PBX1: variants seen among roughly 807,000 people sequenced by gnomAD.
The protein encoded by PBX1 is pre-B-cell leukemia transcription factor 1.
A neutral mutation model predicts 53.4 loss-of-function variants in PBX1; 6 were observed. The observed-to-expected ratio is 0.11, with a 90% CI of 0.06 to 0.22. PBX1 has a LOEUF of 0.22. Ranked by LOEUF, PBX1 falls within the 10% of genes least tolerant of loss-of-function variation. The probability of loss-of-function intolerance (pLI) is 1.00; values close to 1 mark genes in which losing one functional copy is unlikely to be tolerated. For synonymous variants in PBX1, 204 were observed against 212.3 expected (o/e 0.96, Z 0.34); for missense variants, 251 against 551.4 (o/e 0.46, Z 5.46).
At position 164,795,337 on chromosome 1, in the gene PBX1, C is replaced by G. The variant is rs538349122; in HGVS notation, c.510+2599C>G. On this transcript the variant is annotated intron_variant, in intron 3 of 8. Transcript: ENST00000420696. ...GGATGTCTTTCGACAATGGGGTAAGCAGGTTGTCCTCTCTGTTACTTCCTT... is the reference window on the plus strand; with the variant it reads ...GGATGTCTTTCGACAATGGGGTAAGGAGGTTGTCCTCTCTGTTACTTCCTT... Among the ~76,000 whole-genome samples, 6 of 152,282 alleles carry G rather than the reference C, an allele frequency of 3.9e-5. No individual in the cohort carries two copies. In the East Asian group the frequency reaches 1.2e-3, roughly 29 times the overall value.
At chr1:164,654,923 A>T (rs1660056910) in intron 2 of PBX1, among the ~76,000 whole-genome samples, 1 of 152,176 alleles carries the variant, frequency 6.6e-6, no homozygotes, top group African/African-American at 2.4e-5. Context: ...GATCTGTATT[A>T]TCACAGAGGG....
chr1:164,846,752 C>A lies in PBX1; in HGVS notation c.*76C>A, dbSNP rs3205270. 1.9e-6 allele frequency: 3 copies of A among 1,611,388 alleles called. No individual in the cohort carries two copies. Among genetic ancestry groups the A allele is most frequent in the Admixed American group, 1.7e-5 (1 of 59,932 alleles). On this transcript the variant is annotated 3_prime_UTR_variant, in exon 9 of 9. Coordinates refer to ENST00000420696, the MANE Select transcript of PBX1 (RefSeq NM_002585.4). ...GCAGGAGGGAGGGTTTCTCTCCCAA[C>A]GCTGAAGCGGTCAGACTGGAGGTCG...
rs538627212 is a variant in PBX1, at chr1:164,710,424, T to C, written c.266-82070T>C. Among the ~76,000 whole-genome samples the C allele has an allele frequency of 2.0e-4, 30 of 152,224 alleles. 1 individual carries two copies. In the South Asian group the frequency reaches 6.0e-3, roughly 31 times the overall value. The stretch of plus-strand genomic sequence containing the variant: ...TTTTTTTCTTTTTTTTCCTTTTTGT[T>C]TTTTGAGATGGAGTTTTGTTCTTGT... On this transcript the variant is annotated intron_variant, in intron 2 of 8. Transcript: ENST00000420696.
At chr1:164,638,164 C>T (rs942847608) in intron 2 of PBX1, among the ~76,000 whole-genome samples, 3 of 152,198 alleles carry the variant, frequency 2.0e-5, no homozygotes, top group East Asian at 1.9e-4. Context: ...TGCCAAGCAG[C>T]GGAGAATGGA....
At chr1:164,633,985 G>A (rs895153038) in intron 2 of PBX1, among the ~76,000 whole-genome samples, 1 of 152,188 alleles carries the variant, frequency 6.6e-6, no homozygotes, top group Non-Finnish European at 1.5e-5. Context: ...AATTGAGGAA[G>A]GAGCTCTGTT....
chr1:164,870,211 T>TC (rs60190105), intron 2 of PBX1, among the ~76,000 whole-genome samples: 7 of 69,540 alleles, frequency 1.0e-4, no homozygotes, highest in African/African-American at 1.8e-4. Flanking sequence ...TTTCTTTCTT[T>TC]TCTTTCTTTC....
intron 2 of PBX1, among the ~76,000 whole-genome samples, chr1:164,676,313 T>C (rs962528443): frequency 2.0e-5 from 3 of 151,814 alleles, no homozygotes; most frequent in African/African-American, 7.3e-5. Flanking sequence ...ATTTATGTAG[T>C]AGGCATAGAG....
chr1:164,732,200 T>C (rs1665028257), intron 2 of PBX1, among the ~76,000 whole-genome samples: 1 of 152,160 alleles, frequency 6.6e-6, no homozygotes, highest in Non-Finnish European at 1.5e-5. Flanking sequence ...CCACAGGTAA[T>C]TGGAACAGAA....
At chr1:164,605,787 A>G (rs1656506208) in intron 2 of PBX1, among the ~76,000 whole-genome samples, 1 of 152,242 alleles carries the variant, frequency 6.6e-6, no homozygotes, top group South Asian at 2.1e-4. Context: ...AAAAGGCTTT[A>G]TAAAGTAAAC....
intron 2 of PBX1, among the ~76,000 whole-genome samples, chr1:164,602,699 C>G (rs1218779957): frequency 6.9e-6 from 1 of 144,058 alleles, no homozygotes; most frequent in Non-Finnish European, 1.5e-5. Context: ...CTCAAAGTCC[C>G]AAACAGATTG....
At chr1:164,613,779 C>T (rs532353661) in intron 2 of PBX1, among the ~76,000 whole-genome samples, 26 of 152,104 alleles carry the variant, frequency 1.7e-4, no homozygotes, top group Non-Finnish European at 3.5e-4. Context: ...ACGAAGAAAT[C>T]TGACTCCACC....
intron 2 of PBX1, among the ~76,000 whole-genome samples, chr1:164,676,423 G>A (rs765694472): frequency 6.2e-4 from 95 of 152,160 alleles, no homozygotes; most frequent in Non-Finnish European, 3.2e-4. Context: ...GGGCCAAAGC[G>A]TCAAACCAAG....
intron 4 of PBX1, among the ~76,000 whole-genome samples, chr1:164,804,540 G>A (rs568098099): frequency 3.5e-4 from 54 of 152,344 alleles, no homozygotes; most frequent in African/African-American, 1.2e-3. Context: ...AATGACTAAT[G>A]TATTGGACAG....
At chr1:164,663,142 C>CTGCCTGCCTTCT (rs1422238412) in intron 2 of PBX1, among the ~76,000 whole-genome samples, 1 of 152,052 alleles carries the variant, frequency 6.6e-6, no homozygotes, top group African/African-American at 2.4e-5. Context: ...GCCTACCTTT[C>CTGCCTGCCTTCT]TGCCTGCCTT....
At chr1:164,746,396 A>C (rs1389930163) in intron 2 of PBX1, among the ~76,000 whole-genome samples, 1 of 152,140 alleles carries the variant, frequency 6.6e-6, no homozygotes, top group African/African-American at 2.4e-5. Flanking sequence ...TTCTTCTTCA[A>C]GATGGAGTCT....
intron 2 of PBX1, among the ~76,000 whole-genome samples, chr1:164,772,154 C>T (rs543625497): frequency 6.0e-4 from 91 of 152,320 alleles, no homozygotes; most frequent in African/African-American, 2.1e-3. Context: ...AGAAAGATTC[C>T]TGTAGCAACA....
chr1:164,747,999 G>A (rs368471224), intron 2 of PBX1, among the ~76,000 whole-genome samples: 123 of 152,206 alleles, frequency 8.1e-4, no homozygotes, highest in African/African-American at 2.8e-3. Flanking sequence ...ATGAAAAGAG[G>A]TGTACCCACT....
At chr1:164,883,873 T>C (rs909294524) in intron 2 of PBX1, among the ~76,000 whole-genome samples, 1 of 152,192 alleles carries the variant, frequency 6.6e-6, no homozygotes, top group Non-Finnish European at 1.5e-5. Flanking sequence ...GGGTTCTATG[T>C]ACAATTTGCT....
At chr1:164,877,848 C>T (rs1323768854) in intron 2 of PBX1, among the ~76,000 whole-genome samples, 6 of 152,146 alleles carry the variant, frequency 3.9e-5, no homozygotes, top group Non-Finnish European at 7.4e-5. Flanking sequence ...TTCATCACAT[C>T]CAAAAGTTTG....
Sources: gnomAD v4.1 joint callset for allele counts (sites outside exome capture counted in the v4.1 genomes callset) on GRCh38, gnomAD v4.1.1 for gene constraint, MANE v1.5 for transcripts, NCBI Gene and HGNC (gene_info 2026-07-23, HGNC 2026-07-21) for gene names.